GPHN: variants seen among roughly 807,000 people sequenced by gnomAD.
GPHN encodes gephyrin.
Under a neutral mutation model 95.5 loss-of-function variants are expected in GPHN, and 17 were observed. The ratio of observed to expected loss-of-function variants is 0.18; its 90% confidence interval spans 0.12 to 0.27. The LOEUF is 0.27. Ranked by LOEUF, GPHN falls within the 10% of genes least tolerant of loss-of-function variation. The pLI, the probability that GPHN is intolerant of heterozygous loss-of-function variation, is 1.00. For synonymous variants in GPHN, 320 were observed against 322.5 expected, an observed-to-expected ratio of 0.99 and a Z score of 0.08; for missense variants, 660 against 978.1, an observed-to-expected ratio of 0.67 and a Z score of 4.34.
At chr14:67,304,638 G>A in the GPHN span, among the ~76,000 whole-genome samples, 1 of 152,172 alleles carries the variant, frequency 6.6e-6, no homozygotes, top group South Asian at 2.1e-4. Flanking sequence ...TGGAGATGAG[G>A]ATTTATGAGG....
At chr14:66,813,503 G>A (rs190973579) in intron 3 of GPHN, among the ~76,000 whole-genome samples, 10 of 152,294 alleles carry the variant, frequency 6.6e-5, no homozygotes, top group Middle Eastern at 3.4e-3. Context: ...AGTTGAACTG[G>A]CAAGGAGCAA....
intron 20 of GPHN, among the ~76,000 whole-genome samples, chr14:67,167,903 A>G (rs536870034): frequency 6.6e-6 from 1 of 152,198 alleles, no homozygotes; most frequent in Non-Finnish European, 1.5e-5. Context: ...TTTACAGCCC[A>G]GTGGTTGTTT....
At chr14:67,624,228 C>A in the GPHN span, among the ~76,000 whole-genome samples, 1 of 152,122 alleles carries the variant, frequency 6.6e-6, no homozygotes, top group African/African-American at 2.4e-5. Flanking sequence ...GTACTCTTTT[C>A]TCCAGTTTTT....
At chr14:67,117,293 C>A (rs1595213782) in intron 16 of GPHN, among the ~76,000 whole-genome samples, 1 of 152,182 alleles carries the variant, frequency 6.6e-6, no homozygotes, top group Non-Finnish European at 1.5e-5. Flanking sequence ...TTTAAAAGTA[C>A]TTTCAAGTGA....
the GPHN span, among the ~76,000 whole-genome samples, chr14:67,625,520 A>AC: frequency 6.6e-6 from 1 of 151,606 alleles, no homozygotes; most frequent in Admixed American, 6.6e-5. Flanking sequence ...TACTAAAAAT[A>AC]CAAAAAAAAA....
intron 1 of GPHN, among the ~76,000 whole-genome samples, chr14:66,676,398 G>A (rs2066589978): frequency 6.6e-6 from 1 of 151,888 alleles, no homozygotes; most frequent in South Asian, 2.1e-4. Context: ...AGTTCTTAAA[G>A]GCTTTTAGCT....
At chr14:66,873,319 A>T (rs1052278794) in intron 4 of GPHN, among the ~76,000 whole-genome samples, 3 of 152,326 alleles carry the variant, frequency 2.0e-5, no homozygotes, top group Admixed American at 6.5e-5. Context: ...CTGGGTTTGA[A>T]GCACAAAACT....
chr14:66,916,257 C>T (rs2065893154), intron 6 of GPHN, among the ~76,000 whole-genome samples, 188 bp downstream of exon 6: 1 of 152,100 alleles, frequency 6.6e-6, no homozygotes, highest in South Asian at 2.1e-4. Flanking sequence ...AAAACTGTTA[C>T]ACTTACAGTT....
At chr14:67,285,161 TAA>T in the GPHN span, among the ~76,000 whole-genome samples, 1 of 152,162 alleles carries the variant, frequency 6.6e-6, no homozygotes, top group Non-Finnish European at 1.5e-5. Context: ...AAAGAAATCT[TAA>T]AAGTTTCAGA....
chr14:66,929,938 C>A (rs547702320), intron 8 of GPHN, among the ~76,000 whole-genome samples: 2 of 152,202 alleles, frequency 1.3e-5, no homozygotes, highest in South Asian at 2.1e-4. Context: ...GTCTCGATCT[C>A]CTGACCACAT....
chr14:67,057,417 G>C (rs949234909), intron 10 of GPHN, among the ~76,000 whole-genome samples: 1 of 150,544 alleles, frequency 6.6e-6, no homozygotes, highest in African/African-American at 2.5e-5. Context: ...TGGGTGGGGG[G>C]GGCAACAGCA....
At chr14:67,576,382 C>T in the GPHN span, 381 of 1,528,444 alleles carry the variant, frequency 2.5e-4, no homozygotes, top group Non-Finnish European at 2.9e-4. The surrounding 1 kb of genome is among the most constrained non-coding windows in gnomAD (Gnocchi z 4.0). Context: ...GATGGCTTTC[C>T]GCCCTCTTCC....
the GPHN span, chr14:67,199,700 G>C: frequency 6.3e-7 from 1 of 1,585,306 alleles, no homozygotes; most frequent in Non-Finnish European, 8.7e-7. Context: ...GTTTGCAGAT[G>C]CACCTCCTTC....
chr14:67,555,768 C>T, the GPHN span: 1 of 1,597,846 alleles, frequency 6.3e-7, no homozygotes, highest in Non-Finnish European at 8.5e-7. Context: ...GGCCTTGATG[C>T]CGTGTTCACA....
intron 5 of GPHN, among the ~76,000 whole-genome samples, chr14:66,905,237 AC>A (rs2065320637): frequency 1.3e-5 from 2 of 152,096 alleles, no homozygotes; most frequent in South Asian, 4.1e-4. Context: ...TTTCAGTTGA[AC>A]AAATATATAT....
At chr14:67,624,424 T>C in the GPHN span, among the ~76,000 whole-genome samples, 4 of 152,218 alleles carry the variant, frequency 2.6e-5, no homozygotes, top group African/African-American at 9.6e-5. Context: ...AGAGGTTTAA[T>C]TGACTCATGG....
the GPHN span, among the ~76,000 whole-genome samples, chr14:67,673,686 T>C: frequency 6.6e-6 from 1 of 152,194 alleles, no homozygotes; most frequent in Non-Finnish European, 1.5e-5. Flanking sequence ...ATAAAAGCAA[T>C]AAAACAAAGT....
the GPHN span, among the ~76,000 whole-genome samples, chr14:67,423,166 T>G: frequency 3.2e-4 from 48 of 152,030 alleles, 1 homozygote; most frequent in Non-Finnish European, 2.9e-5. Flanking sequence ...TCATCATCAG[T>G]GTCTTCTGCT....
intron 4 of GPHN, among the ~76,000 whole-genome samples, chr14:66,874,465 A>G (rs1404493672): frequency 3.3e-5 from 5 of 152,190 alleles, no homozygotes; most frequent in Non-Finnish European, 7.3e-5. Context: ...CCTCCGAGCT[A>G]AAGGAGCATG....
Sources: gnomAD v4.1 joint callset for allele counts (sites outside exome capture counted in the v4.1 genomes callset) on GRCh38, gnomAD v4.1.1 for gene constraint, Gnocchi (gnomAD v3.1) non-coding constraint, MANE v1.5 for transcripts, NCBI Gene and HGNC (gene_info 2026-07-23, HGNC 2026-07-21) for gene names.